Variants in EFNA5 observed in about 807,000 individuals in gnomAD.
EFNA5 encodes ephrin-A5.
Under a neutral mutation model 22.9 loss-of-function variants are expected in EFNA5, and 5 were observed. The ratio of observed to expected loss-of-function variants is 0.22; its 90% confidence interval spans 0.11 to 0.46. The LOEUF is 0.46. EFNA5 is among the 20% of genes least tolerant of loss of function. EFNA5 has a pLI of 0.99. For missense variants in EFNA5, 237 were observed against 293.3 expected, an observed-to-expected ratio of 0.81 and a Z score of 1.40; for synonymous variants, 113 against 112.2, an observed-to-expected ratio of 1.01 and a Z score of -0.04.
At chr5:107,507,933 G>T (rs1747285844) in intron 1 of EFNA5, among the ~76,000 whole-genome samples, 1 of 152,202 alleles carries the variant, frequency 6.6e-6, no homozygotes, top group Non-Finnish European at 1.5e-5. Context: ...CCAGCTGTGG[G>T]CTGGTGCATG....
chr5:107,667,247 A>G (rs2112564955), intron 1 of EFNA5, among the ~76,000 whole-genome samples: 1 of 152,256 alleles, frequency 6.6e-6, no homozygotes, highest in South Asian at 2.1e-4. Context: ...CAACACATAA[A>G]AAAATCAGTT....
At chr5:107,660,659 C>G (rs986303040) in intron 1 of EFNA5, among the ~76,000 whole-genome samples, 1 of 151,944 alleles carries the variant, frequency 6.6e-6, no homozygotes, top group African/African-American at 2.4e-5. Context: ...TACAAAATAC[C>G]TGGGTGCTAC....
intron 1 of EFNA5, among the ~76,000 whole-genome samples, chr5:107,446,690 G>T (rs1364768951): frequency 1.3e-5 from 2 of 152,068 alleles, no homozygotes; most frequent in African/African-American, 4.8e-5. Flanking sequence ...GGAGGCAGAG[G>T]TTGCAGTGAG....
rs534768811 is a variant in EFNA5, at chr5:107,670,329, G to A, written c.125+160C>T. On this transcript the variant is annotated intron_variant, in intron 1 of 4. Transcript: ENST00000333274. The stretch of plus-strand genomic sequence containing the variant: ...GGCTTAACAAAGAGGGGCGCGACGC[G>A]AGCGCTTCCCGCCGACGCCTCAAGC... Among the ~76,000 whole-genome samples, 774 of 152,246 alleles carry A rather than the reference G, an allele frequency of 5.1e-3. 7 individuals carry two copies. The highest frequency in any genetic ancestry group is 0.024 in the Middle Eastern group (7 of 294).
chr5:107,619,483 G>A (rs974291567), intron 1 of EFNA5, among the ~76,000 whole-genome samples: 1 of 147,320 alleles, frequency 6.8e-6, no homozygotes, highest in Non-Finnish European at 1.5e-5. Flanking sequence ...TTTTTTTTAA[G>A]ACAGAGTCTC....
chr5:107,508,971 C>A (rs148312588), intron 1 of EFNA5, among the ~76,000 whole-genome samples: 4 of 152,116 alleles, frequency 2.6e-5, no homozygotes, highest in African/African-American at 9.7e-5. Flanking sequence ...TATAGTTCCT[C>A]GATTAAATGG....
At chr5:107,409,490 A>C (rs1748304352) in intron 2 of EFNA5, among the ~76,000 whole-genome samples, 1 of 152,212 alleles carries the variant, frequency 6.6e-6, no homozygotes, top group Non-Finnish European at 1.5e-5. Context: ...GGATTGCAAA[A>C]CTGGCTAGTC....
At chr5:107,656,455 T>C (rs1186986559) in intron 1 of EFNA5, among the ~76,000 whole-genome samples, 1 of 152,174 alleles carries the variant, frequency 6.6e-6, no homozygotes, top group Non-Finnish European at 1.5e-5. Context: ...TACAAAATGA[T>C]ACAATTTGGT....
At chr5:107,382,918 T>C (rs1747508461) in intron 4 of EFNA5, among the ~76,000 whole-genome samples, 1 of 152,198 alleles carries the variant, frequency 6.6e-6, no homozygotes, top group African/African-American at 2.4e-5. Flanking sequence ...ATGGGTTAAC[T>C]AACCATTATT....
chr5:107,562,225 T>C lies in EFNA5; in HGVS notation c.125+108264A>G, dbSNP rs561776434. Among the ~76,000 whole-genome samples the C allele has an allele frequency of 3.9e-5, 6 of 152,320 alleles. No homozygotes were observed. The South Asian group carries it at 6.2e-4, about 16-fold the overall frequency. On this transcript the variant is annotated intron_variant, in intron 1 of 4. Transcript: ENST00000333274. ...CAGGGCAAAAAATTTTGCCACAATG[T>C]TTACAAGCTCTAATAAATTATGGAT... is the stretch of plus-strand genomic sequence containing the variant.
chr5:107,554,242 G>A (rs994230311), intron 1 of EFNA5, among the ~76,000 whole-genome samples: 1 of 152,028 alleles, frequency 6.6e-6, no homozygotes, highest in Non-Finnish European at 1.5e-5. Context: ...ATACTTCAAG[G>A]CTAACAAATT....
intron 1 of EFNA5, among the ~76,000 whole-genome samples, chr5:107,435,436 T>C (rs991677005): frequency 6.6e-6 from 1 of 152,012 alleles, no homozygotes; most frequent in Non-Finnish European, 1.5e-5. Context: ...ATATTTGTTT[T>C]GTTAATTTTA....
intron 1 of EFNA5, among the ~76,000 whole-genome samples, chr5:107,599,406 CAT>C (rs35863120): frequency 0.084 from 12,749 of 152,214 alleles, 696 homozygotes; most frequent in Middle Eastern, 0.15. Context: ...GATTATAAAA[CAT>C]ATATTTGCAT....
chr5:107,580,651 A>G (rs1180593358), intron 1 of EFNA5, among the ~76,000 whole-genome samples: 3 of 142,730 alleles, frequency 2.1e-5, no homozygotes, highest in Non-Finnish European at 4.5e-5. Flanking sequence ...TGAACTCGGG[A>G]GGCGGAGCTT....
chr5:107,424,468 G>A (rs1421506975), intron 2 of EFNA5, among the ~76,000 whole-genome samples: 14 of 151,018 alleles, frequency 9.3e-5, no homozygotes, highest in Non-Finnish European at 7.4e-5. Context: ...CACCCGCCTC[G>A]GCCTCCCAAA....
chr5:107,613,260 T>G (rs559003509), intron 1 of EFNA5, among the ~76,000 whole-genome samples: 3 of 152,238 alleles, frequency 2.0e-5, no homozygotes, highest in Admixed American at 2.0e-4. Context: ...TTTATAAAAG[T>G]AATGGGCCTA....
intron 1 of EFNA5, among the ~76,000 whole-genome samples, chr5:107,504,075 G>T (rs1747198488): frequency 6.6e-6 from 1 of 152,102 alleles, no homozygotes. Context: ...TATATAAGAA[G>T]TATCTGAAGT....
chr5:107,464,121 G>T lies in EFNA5; in HGVS notation c.126-36612C>A, dbSNP rs184879670. 1.5e-3 allele frequency among the ~76,000 whole-genome samples: 235 copies of T among 152,238 alleles called. 1 individual carries two copies. Among genetic ancestry groups the T allele is most frequent in the African/African-American group, 4.7e-3 (196 of 41,558 alleles). The stretch of plus-strand genomic sequence containing the variant: ...GGAATTTCATGGGATTCAAAAAGAG[G>T]CAGGGAAATAATTGAGGCACACCCT... On this transcript the variant is annotated intron_variant, in intron 1 of 4. Coordinates refer to ENST00000333274, the MANE Select transcript of EFNA5 (RefSeq NM_001962.3).
chr5:107,522,690 C>T (rs1376465516), intron 1 of EFNA5, among the ~76,000 whole-genome samples: 1 of 152,142 alleles, frequency 6.6e-6, no homozygotes, highest in African/African-American at 2.4e-5. Flanking sequence ...TATGCCTGGC[C>T]TCTTTCTAAT....
Sources: gnomAD v4.1 joint callset for allele counts (sites outside exome capture counted in the v4.1 genomes callset) on GRCh38, gnomAD v4.1.1 for gene constraint, MANE v1.5 for transcripts, NCBI Gene and HGNC (gene_info 2026-07-23, HGNC 2026-07-21) for gene names.